The following THSD4 variants were observed in gnomAD, a reference collection of about 807,000 sequenced individuals.
THSD4 encodes thrombospondin type 1 domain containing 4, also known as thrombospondin type-1 domain-containing protein 4.
A neutral mutation model predicts 119.0 loss-of-function variants in THSD4; 69 were observed. The observed-to-expected ratio is 0.58, with a 90% CI of 0.48 to 0.71. The LOEUF (loss-of-function observed/expected upper bound fraction) is 0.71. Ranked by LOEUF, THSD4 falls within the 30% of genes least tolerant of loss-of-function variation. The pLI is 0.00. For synonymous variants in THSD4, 524 were observed against 540.4 expected (o/e 0.97, Z 0.42); for missense variants, 1,393 against 1,391.1 (o/e 1.00, Z -0.02).
rs114793634 is a variant in THSD4 at position 71,170,849 on chromosome 15, G to C, written c.99+15917G>C. Among the ~76,000 whole-genome samples the C allele has an allele frequency of 5.9e-3, 894 of 152,172 alleles. 12 individuals carry two copies. The highest frequency in any genetic ancestry group is 0.02 in the African/African-American group (849 of 41,522). ...GTAGAGGCATGGAAGATATTAAAAA[G>C]ACACCCAAATCTAACTTCTTGAGAT... On this transcript the variant is annotated intron_variant, in intron 3 of 17. Coordinates refer to ENST00000261862, the MANE Select transcript of THSD4 (RefSeq NM_024817.3).
In THSD4 at chr15:71,633,094, C is replaced by T. The variant is rs143188560; in HGVS notation, c.1153-27436C>T. 3.0e-3 allele frequency among the ~76,000 whole-genome samples: 462 copies of T among 152,210 alleles called. 3 individuals carry two copies. Among genetic ancestry groups the T allele is most frequent in the African/African-American group, 0.01 (431 of 41,512 alleles). On this transcript the variant is annotated intron_variant, in intron 7 of 17. Coordinates refer to ENST00000261862, the MANE Select transcript of THSD4 (RefSeq NM_024817.3). Reference sequence around the variant, plus strand: ...CAAAAAGGAAGGCATTTAGGCAAGGCAAAGTTGGTCTCTTCAGGTTCTTGT... The same window carrying T: ...CAAAAAGGAAGGCATTTAGGCAAGGTAAAGTTGGTCTCTTCAGGTTCTTGT...
At chr15:71,697,855 T>G (rs2052196996) in intron 8 of THSD4, among the ~76,000 whole-genome samples, 1 of 152,166 alleles carries the variant, frequency 6.6e-6, no homozygotes, top group Admixed American at 6.5e-5. Flanking sequence ...AGATATGATG[T>G]CTCATCTTTG....
At position 71,289,844 on chromosome 15, in the gene THSD4, C is replaced by G. The variant is rs573813498; in HGVS notation, c.1015+33129C>G. On this transcript the variant is annotated intron_variant, in intron 6 of 17. Coordinates refer to ENST00000261862, the MANE Select transcript of THSD4 (RefSeq NM_024817.3). ...AGTCAAAATAAATACCCTGGCTTCT[C>G]TTGCCATTTCATCTCCTGCTTGCTG... Among the ~76,000 whole-genome samples, 3 of 152,146 alleles carry G rather than the reference C, an allele frequency of 2.0e-5. No individual in the cohort carries two copies. The South Asian group carries it at 6.2e-4, about 32-fold the overall frequency.
chr15:71,385,274 G>GA (rs2046281325), intron 6 of THSD4, among the ~76,000 whole-genome samples: 1 of 152,208 alleles, frequency 6.6e-6, no homozygotes, highest in African/African-American at 2.4e-5. Context: ...AGTTACAAAC[G>GA]AGAGCAGTGA....
At chr15:71,472,377 C>T (rs2047593542) in intron 7 of THSD4, among the ~76,000 whole-genome samples, 1 of 152,150 alleles carries the variant, frequency 6.6e-6, no homozygotes, top group Admixed American at 6.5e-5. Context: ...TACTGTTTAT[C>T]ATTATTATCA....
intron 8 of THSD4, among the ~76,000 whole-genome samples, chr15:71,684,176 A>C (rs574998419): frequency 5.1e-4 from 77 of 152,316 alleles, no homozygotes; most frequent in African/African-American, 1.7e-3. Context: ...TTTTATCTCT[A>C]AAATTCTTAT....
At chr15:71,638,113 G>C (rs556359097) in intron 7 of THSD4, among the ~76,000 whole-genome samples, 1 of 152,140 alleles carries the variant, frequency 6.6e-6, no homozygotes, top group African/African-American at 2.4e-5. Flanking sequence ...CCACGTTTTT[G>C]TTTTAAAAAG....
At chr15:71,159,992 C>T (rs2043236570) in intron 3 of THSD4, among the ~76,000 whole-genome samples, 1 of 151,960 alleles carries the variant, frequency 6.6e-6, no homozygotes, top group East Asian at 1.9e-4. Context: ...TGGTACATAC[C>T]TTCTATACTT....
intron 8 of THSD4, among the ~76,000 whole-genome samples, chr15:71,676,597 C>T (rs2051656896): frequency 6.6e-6 from 1 of 152,076 alleles, no homozygotes; most frequent in South Asian, 2.1e-4. Context: ...ATTTTCTTAT[C>T]CCAAAAGCTG....
Position 71,545,714 on chromosome 15 carries a change from A to C in THSD4, c.1153-114816A>C, listed in dbSNP as rs1339664408. 3.3e-5 allele frequency among the ~76,000 whole-genome samples: 5 copies of C among 152,204 alleles called. No individual in the cohort carries two copies. In the East Asian group the frequency reaches 9.6e-4, roughly 29 times the overall value. Reference sequence around the variant, plus strand: ...TGAACAGTAACAATGACTAAGAAGGAGGAAGAGGAAAAATTCATTCCTTTC... The same window carrying C: ...TGAACAGTAACAATGACTAAGAAGGCGGAAGAGGAAAAATTCATTCCTTTC... On this transcript the variant is annotated intron_variant, in intron 7 of 17. Transcript: ENST00000261862.
chr15:71,355,875 ATTT>A (rs373769614), intron 6 of THSD4, among the ~76,000 whole-genome samples: 59 of 151,632 alleles, frequency 3.9e-4, no homozygotes, highest in African/African-American at 1.4e-3. Context: ...ATTTTATTTT[ATTT>A]TATTTTTGAG....
At chr15:71,206,850 C>T (rs1165613477) in intron 3 of THSD4, among the ~76,000 whole-genome samples, 1 of 152,188 alleles carries the variant, frequency 6.6e-6, no homozygotes, top group Non-Finnish European at 1.5e-5. Flanking sequence ...ATTTATTGAG[C>T]AAGCAATATT....
chr15:71,500,693 A>G (rs2048097783), intron 7 of THSD4, among the ~76,000 whole-genome samples: 1 of 152,220 alleles, frequency 6.6e-6, no homozygotes, highest in Non-Finnish European at 1.5e-5. Flanking sequence ...TCTTTTGCAT[A>G]TAGAAATCCA....
chr15:71,745,064 A>G, intron 11 of THSD4, 42 bp from the exon 12 acceptor site: 1 of 1,575,456 alleles, frequency 6.3e-7, no homozygotes, highest in Middle Eastern at 2.3e-4. Context: ...CCAGCTTTCC[A>G]GTGTGTGGGA....
chr15:71,390,712 G>A (rs981222229), intron 6 of THSD4, among the ~76,000 whole-genome samples: 4 of 152,066 alleles, frequency 2.6e-5, no homozygotes, highest in Non-Finnish European at 5.9e-5. Flanking sequence ...GAGTAGAGTT[G>A]GAAGGGGAGT....
At chr15:71,746,629 A>G (rs1458628334) in intron 12 of THSD4, among the ~76,000 whole-genome samples, 2 of 152,180 alleles carry the variant, frequency 1.3e-5, no homozygotes, top group Non-Finnish European at 2.9e-5. Flanking sequence ...TCCTGGGCTC[A>G]AGCCATCCTC....
intron 7 of THSD4, among the ~76,000 whole-genome samples, chr15:71,619,386 T>G (rs1340858055): frequency 6.6e-6 from 1 of 152,188 alleles, no homozygotes; most frequent in Non-Finnish European, 1.5e-5. Flanking sequence ...CCAGAAAGGT[T>G]TCTCTGCGGA....
At chr15:71,639,406 G>A (rs754164461) in intron 7 of THSD4, among the ~76,000 whole-genome samples, 5 of 152,064 alleles carry the variant, frequency 3.3e-5, no homozygotes, top group South Asian at 2.1e-4. Context: ...TGCAATACAG[G>A]ACCAAAATGC....
intron 14 of THSD4, among the ~76,000 whole-genome samples, chr15:71,755,020 A>C (rs1037112730): frequency 6.6e-6 from 1 of 152,206 alleles, no homozygotes; most frequent in Non-Finnish European, 1.5e-5. Context: ...TCTTGGAGTC[A>C]ACTCCCCATC....
Sources: allele counts gnomAD v4.1 joint callset (sites outside exome capture counted in the v4.1 genomes callset), GRCh38; gene constraint gnomAD v4.1.1; transcripts MANE v1.5; gene names NCBI Gene and HGNC (gene_info 2026-07-23, HGNC 2026-07-21).